Variants in R3HDM2 observed in about 807,000 individuals in gnomAD.
R3HDM2 encodes the protein R3H domain-containing protein 2.
In R3HDM2, 38 loss-of-function variants were observed where a neutral mutation model predicts 124.5. The observed-to-expected ratio is 0.31, with a 90% CI of 0.24 to 0.40. The LOEUF (loss-of-function observed/expected upper bound fraction) is 0.40. R3HDM2 is among the 10% of genes least tolerant of loss of function. The pLI, the probability that R3HDM2 is intolerant of heterozygous loss-of-function variation, is 1.00. For missense variants in R3HDM2, 869 were observed against 1,236.9 expected (o/e 0.70, Z 4.46); for synonymous variants, 391 against 448.0 (o/e 0.87, Z 1.61).
chr12:57,297,150 G>A (rs1255777237), intron 8 of R3HDM2, 178 bp downstream of exon 8: 2 of 516,966 alleles, frequency 3.9e-6, no homozygotes, highest in African/African-American at 4.0e-5. Context: ...TCTGGGACAA[G>A]TGCAAGCTGC....
intron 10 of R3HDM2, among the ~76,000 whole-genome samples, chr12:57,294,249 G>A (rs1285937624): frequency 6.6e-6 from 1 of 152,134 alleles, no homozygotes; most frequent in Non-Finnish European, 1.5e-5. Context: ...ATTGGATCAA[G>A]CCTGAAGCTG....
chr12:57,273,572 T>C (rs2044051519), intron 14 of R3HDM2, among the ~76,000 whole-genome samples: 1 of 152,210 alleles, frequency 6.6e-6, no homozygotes, highest in Admixed American at 6.5e-5. Context: ...AACTTGTATT[T>C]GCAAATAAAA....
intron 1 of R3HDM2, among the ~76,000 whole-genome samples, chr12:57,398,637 C>T (rs2067792589): frequency 6.6e-6 from 1 of 152,004 alleles, no homozygotes; most frequent in South Asian, 2.1e-4. Flanking sequence ...TACAGGTGCC[C>T]GCCACCATGC....
intron 2 of R3HDM2, among the ~76,000 whole-genome samples, chr12:57,330,035 C>T (rs954972811): frequency 2.6e-5 from 4 of 152,096 alleles, no homozygotes; most frequent in Admixed American, 6.6e-5. Context: ...GGTGCGATCT[C>T]GGCTCACCGC....
intron 3 of R3HDM2, among the ~76,000 whole-genome samples, chr12:57,307,469 C>A (rs780517608): frequency 6.6e-6 from 1 of 151,456 alleles, no homozygotes. Context: ...TACAAGCATG[C>A]GCCACCAGGC....
intron 3 of R3HDM2, 107 bp from the exon 4 acceptor site, chr12:57,303,324 A>G: frequency 1.0e-6 from 1 of 991,384 alleles, no homozygotes; most frequent in Non-Finnish European, 1.5e-6. Context: ...AAACCATTAC[A>G]ACAGCCAAAC....
At chr12:57,277,644 C>T (rs2045163042) in intron 14 of R3HDM2, among the ~76,000 whole-genome samples, 1 of 152,146 alleles carries the variant, frequency 6.6e-6, no homozygotes, top group South Asian at 2.1e-4. Context: ...GACGTTGTTT[C>T]ACCAGGTTGG....
chr12:57,316,335 T>C (rs1215011256), intron 2 of R3HDM2, among the ~76,000 whole-genome samples: 1 of 152,194 alleles, frequency 6.6e-6, no homozygotes, highest in Non-Finnish European at 1.5e-5. Flanking sequence ...GGATATAAAT[T>C]AGTTAAACCA....
chr12:57,287,376 T>G (rs1396983122), intron 12 of R3HDM2, among the ~76,000 whole-genome samples: 1 of 152,030 alleles, frequency 6.6e-6, no homozygotes, highest in Non-Finnish European at 1.5e-5. Flanking sequence ...TGATTTTTTG[T>G]TTTTTGTTTT....
At chr12:57,367,084 T>A (rs2062756044) in intron 2 of R3HDM2, among the ~76,000 whole-genome samples, 1 of 152,206 alleles carries the variant, frequency 6.6e-6, no homozygotes, top group South Asian at 2.1e-4. Flanking sequence ...GCCTTTACAC[T>A]GGAGCTAATT....
At chr12:57,306,630 C>T (rs2052641813) in intron 3 of R3HDM2, among the ~76,000 whole-genome samples, 1 of 152,108 alleles carries the variant, frequency 6.6e-6, no homozygotes, top group African/African-American at 2.4e-5. Context: ...AGGATGGGCT[C>T]AATCTCTTGA....
chr12:57,381,544 C>CAAAA (rs66778122), intron 2 of R3HDM2, among the ~76,000 whole-genome samples: 1 of 76,596 alleles, frequency 1.3e-5, no homozygotes, highest in Non-Finnish European at 2.8e-5. Flanking sequence ...GACTCCATCT[C>CAAAA]AAAAAAAAAA....
intron 1 of R3HDM2, among the ~76,000 whole-genome samples, chr12:57,404,064 A>ATTTTTTTTTTTTTTTTTTTTT (rs767234283): frequency 1.3e-5 from 1 of 77,044 alleles, no homozygotes; most frequent in East Asian, 4.9e-4. Flanking sequence ...TCCACTCCTA[A>ATTTTTTTTTTTTTTTTTTTTT]TTTTTTTTTT....
At chr12:57,386,779 G>A (rs1053494359) in intron 2 of R3HDM2, among the ~76,000 whole-genome samples, 1 of 152,210 alleles carries the variant, frequency 6.6e-6, no homozygotes, top group African/African-American at 2.4e-5. Context: ...CTAAGGGATT[G>A]TAAATACACC....
Position 57,253,990 on chromosome 12 carries a change from G to T in R3HDM2, c.*783C>A. On this transcript the variant is annotated 3_prime_UTR_variant, in exon 24 of 24. Coordinates refer to ENST00000402412, the MANE Select transcript of R3HDM2 (RefSeq NM_001394031.1). ...GGGAATCCCAAGTTTTAACTCTGTG[G>T]GGTCTAGGAAGACAAGATGGGGAAG... 2.7e-6 allele frequency: 1 copy of T among 376,682 alleles called. No homozygotes were observed. The highest frequency in any genetic ancestry group is 8.4e-5 in the East Asian group (1 of 11,922). The allele number at this position is 376,682 out of a possible 1,614,324, so 23.3% of individuals were successfully genotyped here. A position where few individuals can be genotyped will look rare whatever the true frequency, so the allele number is the denominator to read the frequency against.
chr12:57,301,192 C>T (rs1170135718), intron 4 of R3HDM2, among the ~76,000 whole-genome samples: 1 of 151,920 alleles, frequency 6.6e-6, no homozygotes, highest in Non-Finnish European at 1.5e-5. Context: ...TGCAATAAAA[C>T]CTAATCTGCC....
intron 1 of R3HDM2, among the ~76,000 whole-genome samples, chr12:57,414,486 T>TAA (rs534205889): frequency 1.5e-3 from 99 of 66,598 alleles, no homozygotes; most frequent in African/African-American, 2.0e-3. Context: ...AAGACTCCAT[T>TAA]AAAAAAAAAA....
At chr12:57,269,277 G>A in intron 16 of R3HDM2, 46 bp downstream of exon 16, 1 of 1,607,800 alleles carries the variant, frequency 6.2e-7, no homozygotes. Context: ...TTCCTGGTGT[G>A]CCCTTCCCTT....
Position 57,395,765 on chromosome 12 carries a change from C to A in R3HDM2, c.-52G>T. 1 of 984,534 alleles carries A rather than the reference C, an allele frequency of 1.0e-6. No individual in the cohort carries two copies. The allele number at this position is 984,534 out of a possible 1,614,324, so 61.0% of individuals were successfully genotyped here. A position where few individuals can be genotyped will look rare whatever the true frequency, so the allele number is the denominator to read the frequency against. On this transcript the variant is annotated 5_prime_UTR_variant, in exon 2 of 24. Coordinates refer to ENST00000402412, the MANE Select transcript of R3HDM2 (RefSeq NM_001394031.1). ...TATTATTACCTGAATAAATGCTCAG[C>A]CTCCATGAGTCCAGTGCTGGAATGG... is the stretch of plus-strand genomic sequence containing the variant.
Sources: gnomAD v4.1 joint callset for allele counts (sites outside exome capture counted in the v4.1 genomes callset) on GRCh38, gnomAD v4.1.1 for gene constraint, MANE v1.5 for transcripts, NCBI Gene and HGNC (gene_info 2026-07-23, HGNC 2026-07-21) for gene names.